Variants in TENM3 observed in about 807,000 individuals in gnomAD.
TENM3 encodes teneurin transmembrane protein 3.
TENM3 carries 63 observed loss-of-function variants against 255.1 expected under a neutral mutation model. That is an observed-to-expected ratio of 0.25 (90% CI 0.20 to 0.30). TENM3 has a LOEUF of 0.30. TENM3 is among the 10% of genes least tolerant of loss of function. The probability of loss-of-function intolerance (pLI) is 1.00; values close to 1 mark genes in which losing one functional copy is unlikely to be tolerated. For synonymous variants in TENM3, 1,306 were observed against 1,322.3 expected, an observed-to-expected ratio of 0.99 and a Z score of 0.27; for missense variants, 2,929 against 3,461.1, an observed-to-expected ratio of 0.85 and a Z score of 3.86.
At chr4:181,888,519 TATATATAC>T in the TENM3 span, among the ~76,000 whole-genome samples, 38 of 89,378 alleles carry the variant, frequency 4.3e-4, 2 homozygotes, top group Admixed American at 1.8e-3. Flanking sequence ...TATATATGTA[TATATATAC>T]ATATATGTGT....
At chr4:181,842,519 T>C in the TENM3 span, among the ~76,000 whole-genome samples, 1 of 152,224 alleles carries the variant, frequency 6.6e-6, no homozygotes, top group East Asian at 1.9e-4. Flanking sequence ...CACCACATTT[T>C]AAATATTTCT....
chr4:181,623,325 C>T, the TENM3 span, among the ~76,000 whole-genome samples: 17 of 152,154 alleles, frequency 1.1e-4, no homozygotes, highest in East Asian at 1.9e-4. Context: ...AAGTCCTTAC[C>T]AGCATAAGCA....
chr4:182,284,416 A>C (rs1760598623), intron 1 of TENM3, among the ~76,000 whole-genome samples: 1 of 152,214 alleles, frequency 6.6e-6, no homozygotes, highest in Non-Finnish European at 1.5e-5. Flanking sequence ...ATTAATATCC[A>C]GGCAGTCTGG....
At chr4:181,619,180 G>A in the TENM3 span, among the ~76,000 whole-genome samples, 4 of 152,028 alleles carry the variant, frequency 2.6e-5, no homozygotes, top group East Asian at 2.0e-4. Context: ...CGGAGTGGCC[G>A]TCTGCTCTAC....
At chr4:182,124,974 C>G in the TENM3 span, among the ~76,000 whole-genome samples, 2 of 128,446 alleles carry the variant, frequency 1.6e-5, no homozygotes, top group Admixed American at 1.5e-4. Flanking sequence ...CTTCCCATTG[C>G]CCAGCGCATC....
chr4:181,764,449 C>T, the TENM3 span, among the ~76,000 whole-genome samples: 1 of 152,102 alleles, frequency 6.6e-6, no homozygotes, highest in Non-Finnish European at 1.5e-5. Context: ...TCAACAACAA[C>T]CAACGAAAGA....
chr4:181,503,572 G>A, the TENM3 span, among the ~76,000 whole-genome samples: 196 of 152,120 alleles, frequency 1.3e-3, no homozygotes, highest in Non-Finnish European at 2.2e-3. Context: ...ATCATGTATC[G>A]GGGAACTTTT....
At chr4:181,633,118 C>T in the TENM3 span, among the ~76,000 whole-genome samples, 2,313 of 152,256 alleles carry the variant, frequency 0.015, 34 homozygotes, top group African/African-American at 0.038. Context: ...TTACACCATA[C>T]GGATATTAAT....
At chr4:181,893,487 GCCCAC>G in the TENM3 span, among the ~76,000 whole-genome samples, 2,268 of 74,788 alleles carry the variant, frequency 0.03, 80 homozygotes, top group African/African-American at 0.075. Context: ...ACTTTCCCCT[GCCCAC>G]CCCCCCCCCA....
intron 3 of TENM3, among the ~76,000 whole-genome samples, chr4:182,370,789 C>A (rs1391934355): frequency 2.0e-5 from 3 of 152,130 alleles, no homozygotes; most frequent in East Asian, 3.9e-4. Flanking sequence ...TAGAAGTGAT[C>A]TCTGCAAAAC....
At chr4:181,622,070 C>A in the TENM3 span, among the ~76,000 whole-genome samples, 1 of 152,132 alleles carries the variant, frequency 6.6e-6, no homozygotes, top group African/African-American at 2.4e-5. Flanking sequence ...CTGATGTAAA[C>A]TTTGGGCAAT....
chr4:182,152,750 A>T (rs1167995352), intron 1 of TENM3, among the ~76,000 whole-genome samples: 1 of 151,854 alleles, frequency 6.6e-6, no homozygotes, highest in African/African-American at 2.4e-5. Context: ...AAAGTTTTTT[A>T]TCCTGTGTTT....
intron 1 of TENM3, among the ~76,000 whole-genome samples, chr4:182,204,174 T>C (rs1754394537): frequency 6.6e-6 from 1 of 152,140 alleles, no homozygotes; most frequent in Non-Finnish European, 1.5e-5. Flanking sequence ...GATTACGAAA[T>C]GTAAGGAATC....
chr4:182,404,094 CT>C (rs1769390574), intron 3 of TENM3, among the ~76,000 whole-genome samples: 1 of 152,228 alleles, frequency 6.6e-6, no homozygotes, highest in East Asian at 1.9e-4. Context: ...TTGCTAATTC[CT>C]TTTTTCAATC....
intron 22 of TENM3, among the ~76,000 whole-genome samples, chr4:182,772,000 G>A (rs983913067): frequency 1.3e-5 from 2 of 152,098 alleles, no homozygotes; most frequent in Non-Finnish European, 1.5e-5. Flanking sequence ...TGATCTGACC[G>A]ATACTGTCCC....
At chr4:181,806,796 A>G in the TENM3 span, among the ~76,000 whole-genome samples, 1 of 152,232 alleles carries the variant, frequency 6.6e-6, no homozygotes, top group Non-Finnish European at 1.5e-5. Flanking sequence ...CTAAGATACC[A>G]CGTAATAGGA....
chr4:181,798,652 G>A, the TENM3 span, among the ~76,000 whole-genome samples: 2 of 152,084 alleles, frequency 1.3e-5, no homozygotes, highest in East Asian at 1.9e-4. Flanking sequence ...ATTGCTTCAC[G>A]TATCTCTGGT....
chr4:182,740,180 CCCCTT>C (rs1365466092), intron 18 of TENM3, among the ~76,000 whole-genome samples: 1 of 152,228 alleles, frequency 6.6e-6, no homozygotes, highest in Non-Finnish European at 1.5e-5. Context: ...AAGCTCTACA[CCCCTT>C]CCAGTTACGT....
chr4:181,987,217 A>T, the TENM3 span, among the ~76,000 whole-genome samples: 3 of 152,222 alleles, frequency 2.0e-5, no homozygotes, highest in East Asian at 5.8e-4. Context: ...CAAAGCCAGA[A>T]TTTGAATCTA....
Sources: gnomAD v4.1 joint callset for allele counts (sites outside exome capture counted in the v4.1 genomes callset) on GRCh38, gnomAD v4.1.1 for gene constraint, MANE v1.5 for transcripts, NCBI Gene and HGNC (gene_info 2026-07-23, HGNC 2026-07-21) for gene names.